The following PLSCR5 variants were observed in gnomAD, a reference collection of about 807,000 sequenced individuals.
PLSCR5 encodes phospholipid scramblase family, member 5.
Under a neutral mutation model 33.6 loss-of-function variants are expected in PLSCR5, and 44 were observed. The observed-to-expected ratio is 1.31, with a 90% CI of 1.03 to 1.69. The LOEUF (loss-of-function observed/expected upper bound fraction) is 1.69, where lower values mean the gene tolerates loss of function less well. Among genes scored for constraint, PLSCR5 ranks in the 40% most tolerant of loss-of-function variants. The pLI is 0.00. For synonymous variants in PLSCR5, 148 were observed against 112.3 expected (o/e 1.32, Z -2.01); for missense variants, 375 against 318.7 (o/e 1.18, Z -1.34).
At chr3:146,595,153 A>G (rs2044748819) in intron 2 of PLSCR5, 70 bp from the exon 3 acceptor site, 1 of 886,692 alleles carries the variant, frequency 1.1e-6, no homozygotes, top group Non-Finnish European at 1.6e-6. Flanking sequence ...AGATACTACT[A>G]GTACCCTATT....
chr3:146,592,316 T>C lies in PLSCR5; in HGVS notation c.454-435A>G, dbSNP rs1042056545. Reference sequence around the variant, plus strand: ...ATCAATTATTGAGTATTCATATTTTTTCTCTAAGATTATAAGCTCCAAGAT... The same window carrying C: ...ATCAATTATTGAGTATTCATATTTTCTCTCTAAGATTATAAGCTCCAAGAT... On this transcript the variant is annotated intron_variant, in intron 4 of 7. Transcript: ENST00000443512. Among the ~76,000 whole-genome samples the C allele has an allele frequency of 3.9e-5, 6 of 152,074 alleles. No individual in the cohort carries two copies. In the South Asian group the frequency reaches 1.2e-3, roughly 32 times the overall value.
downstream of PLSCR5, among the ~76,000 whole-genome samples, chr3:146,583,326 G>A (rs2044646442): frequency 6.6e-6 from 1 of 152,136 alleles, no homozygotes; most frequent in South Asian, 2.1e-4. Flanking sequence ...TTATTTAAAT[G>A]AATGAATGAA....
downstream of PLSCR5, among the ~76,000 whole-genome samples, chr3:146,584,265 G>A (rs575246543): frequency 6.6e-6 from 1 of 152,162 alleles, no homozygotes; most frequent in Non-Finnish European, 1.5e-5. Context: ...TGAGAGGAAA[G>A]GGAAGGAATG....
intron 1 of PLSCR5, among the ~76,000 whole-genome samples, chr3:146,600,666 T>C (rs568414701): frequency 6.6e-6 from 1 of 151,998 alleles, no homozygotes; most frequent in East Asian, 1.9e-4. Flanking sequence ...AGACTGCTGG[T>C]AGTAGTTGTG....
intron 6 of PLSCR5, among the ~76,000 whole-genome samples, chr3:146,586,437 T>A (rs1366006464): frequency 6.6e-6 from 1 of 152,208 alleles, no homozygotes; most frequent in Non-Finnish European, 1.5e-5. Context: ...CATGTTGAAT[T>A]TTCAGAGTAT....
At chr3:146,594,979 T>A in intron 3 of PLSCR5, 62 bp downstream of exon 3, 1 of 1,068,810 alleles carries the variant, frequency 9.4e-7, no homozygotes, top group Non-Finnish European at 1.3e-6. Context: ...GCAAAGAAAC[T>A]TCTGAAAACT....
At chr3:146,593,098 A>G (rs1256426758) in intron 4 of PLSCR5, among the ~76,000 whole-genome samples, 2 of 152,180 alleles carry the variant, frequency 1.3e-5, no homozygotes, top group Non-Finnish European at 2.9e-5. Flanking sequence ...ACTTATCCAC[A>G]GGTTCTAACA....
chr3:146,604,024 AC>A (rs1267781541), intron 1 of PLSCR5, among the ~76,000 whole-genome samples: 1 of 152,100 alleles, frequency 6.6e-6, no homozygotes, highest in Non-Finnish European at 1.5e-5. Context: ...TTAAATAGTG[AC>A]CAAAAGTGTG....
At chr3:146,596,781 A>G (rs1278434162) in intron 2 of PLSCR5, among the ~76,000 whole-genome samples, 1 of 152,188 alleles carries the variant, frequency 6.6e-6, no homozygotes, top group Admixed American at 6.6e-5. Context: ...AGGTAAAACT[A>G]ATATCATTTT....
At chr3:146,601,406 A>G (rs1326686302) in intron 1 of PLSCR5, among the ~76,000 whole-genome samples, 1 of 152,102 alleles carries the variant, frequency 6.6e-6, no homozygotes, top group Non-Finnish European at 1.5e-5. Context: ...CATGTTTAGT[A>G]ATCAACAAAG....
chr3:146,600,202 T>C, intron 2 of PLSCR5, 86 bp downstream of exon 2: 1 of 1,078,348 alleles, frequency 9.3e-7, no homozygotes, highest in African/African-American at 1.6e-5. Context: ...GTTAAATTCT[T>C]TCAACCTTGA....
intron 2 of PLSCR5, among the ~76,000 whole-genome samples, chr3:146,600,049 T>C (rs1398605907): frequency 6.6e-6 from 1 of 152,138 alleles, no homozygotes; most frequent in African/African-American, 2.4e-5. Context: ...CCATCAAAAA[T>C]ATTTAGTCTC....
chr3:146,577,379 G>A (rs1006043359), intron 7 of PLSCR5, among the ~76,000 whole-genome samples: 1 of 152,034 alleles, frequency 6.6e-6, no homozygotes, highest in Non-Finnish European at 1.5e-5. Context: ...CTCTGAAGGC[G>A]ATCAGGATGC....
intron 7 of PLSCR5, among the ~76,000 whole-genome samples, chr3:146,578,371 A>G (rs1203451892): frequency 1.3e-5 from 2 of 152,296 alleles, no homozygotes; most frequent in African/African-American, 4.8e-5. Context: ...AGTTGTTTAT[A>G]TGTTACCTTT....
downstream of PLSCR5, among the ~76,000 whole-genome samples, chr3:146,583,604 C>T (rs548980512): frequency 6.6e-6 from 1 of 152,172 alleles, no homozygotes; most frequent in Non-Finnish European, 1.5e-5. Context: ...TCAATTTTAC[C>T]TTTAATAAGA....
intron 1 of PLSCR5, among the ~76,000 whole-genome samples, chr3:146,602,461 A>G (rs1220921792): frequency 6.6e-6 from 1 of 152,114 alleles, no homozygotes; most frequent in Non-Finnish European, 1.5e-5. Flanking sequence ...CATCTTGGGA[A>G]AGGGAGGATG....
chr3:146,593,844 C>T (rs2044734682), intron 4 of PLSCR5, 76 bp downstream of exon 4: 1 of 1,385,696 alleles, frequency 7.2e-7, no homozygotes, highest in Non-Finnish European at 1.0e-6. Flanking sequence ...TGCCTCATTG[C>T]TCCAGATGAA....
chr3:146,588,218 C>T (rs564311980), intron 6 of PLSCR5, among the ~76,000 whole-genome samples: 1 of 152,232 alleles, frequency 6.6e-6, no homozygotes, highest in Admixed American at 6.5e-5. Flanking sequence ...CACCTATAAT[C>T]CCAGCACTTT....
intron 3 of PLSCR5, 44 bp from the exon 4 acceptor site, chr3:146,594,184 G>A: frequency 7.0e-7 from 1 of 1,425,868 alleles, no homozygotes; most frequent in Non-Finnish European, 9.8e-7. Flanking sequence ...TTTTTCCTTA[G>A]TATTGATAAC....
Sources: allele counts gnomAD v4.1 joint callset (sites outside exome capture counted in the v4.1 genomes callset), GRCh38; gene constraint gnomAD v4.1.1; transcripts MANE v1.5; gene names NCBI Gene and HGNC (gene_info 2026-07-23, HGNC 2026-07-21).